FRMPD3: variants seen among roughly 807,000 people sequenced by gnomAD.
FRMPD3 encodes the protein FERM and PDZ domain containing 3.
FRMPD3 carries 42 observed loss-of-function variants against 97.9 expected under a neutral mutation model. The observed-to-expected ratio is 0.43, with a 90% CI of 0.34 to 0.55. The LOEUF (loss-of-function observed/expected upper bound fraction) is 0.55, where lower values mean the gene tolerates loss of function less well. Ranked by LOEUF, FRMPD3 falls within the 20% of genes least tolerant of loss-of-function variation. The pLI, the probability that FRMPD3 is intolerant of heterozygous loss-of-function variation, is 0.03. For missense variants in FRMPD3, 1,303 were observed against 1,457.7 expected (o/e 0.89, Z 1.73); for synonymous variants, 577 against 581.1 (o/e 0.99, Z 0.10).
chrX:107,475,844 C>T (rs1921184643), intron 1 of FRMPD3, among the ~76,000 whole-genome samples: 1 of 112,377 alleles, frequency 8.9e-6, no homozygotes, highest in Non-Finnish European at 1.9e-5. Context: ...TTCTGAGCCT[C>T]AATTTCCTCA....
rs770197596 is a variant in FRMPD3, at chrX:107,602,969, C to T, written c.4930C>T (p.Arg1644Cys). The T allele has an allele frequency of 1.5e-5, 18 of 1,209,945 alleles. No individual in the cohort carries two copies. The highest frequency in any genetic ancestry group is 2.2e-5 in the Admixed American group (1 of 45,947). The change falls in exon 15 of 15, where the codon CGT (arginine) becomes TGT (cysteine). Residue 1644 changes from arginine (R) to cysteine (C), a missense_variant. Transcript: ENST00000683843. ...KFKELRASCR[R>C]VANVDKSPTH... ...CAAGGAGCTCCGGGCCTCCTGCCGC[C>T]GTGTGGCCAATGTGGACAAGAGCCC...
intron 1 of FRMPD3, among the ~76,000 whole-genome samples, chrX:107,452,448 G>A (rs761247982): frequency 8.0e-5 from 9 of 112,238 alleles, no homozygotes; most frequent in Non-Finnish European, 1.1e-4. Context: ...CACCACAACC[G>A]CCTTGCAGTT....
chrX:107,541,294 G>A (rs1921288216), intron 4 of FRMPD3, among the ~76,000 whole-genome samples: 1 of 112,550 alleles, frequency 8.9e-6, no homozygotes, highest in Admixed American at 9.4e-5. Flanking sequence ...AGGCCTCTGA[G>A]AGGCTCCTCA....
intron 13 of FRMPD3, among the ~76,000 whole-genome samples, chrX:107,595,253 G>T (rs1398163622): frequency 9.1e-6 from 1 of 109,880 alleles, no homozygotes. Flanking sequence ...GGAGGTGAAG[G>T]TTGCAGTGAG....
intron 4 of FRMPD3, among the ~76,000 whole-genome samples, chrX:107,535,260 T>C (rs1923171859): frequency 8.9e-6 from 1 of 112,444 alleles, no homozygotes; most frequent in Admixed American, 9.4e-5. Flanking sequence ...GCTGAAATAT[T>C]ATATTTTTTA....
intron 13 of FRMPD3, among the ~76,000 whole-genome samples, chrX:107,591,008 A>G (rs1212942320): frequency 3.6e-5 from 4 of 111,341 alleles, no homozygotes; most frequent in Admixed American, 9.6e-5. Context: ...CCACTAGTGA[A>G]GTCACCTGGG....
chrX:107,554,143 C>G (rs1418054709), intron 7 of FRMPD3, among the ~76,000 whole-genome samples: 1 of 111,305 alleles, frequency 9.0e-6, no homozygotes, highest in Non-Finnish European at 1.9e-5. Flanking sequence ...TGATAAAGGT[C>G]ATGTCCTAGA....
At chrX:107,556,453 C>T (rs920246878) in intron 8 of FRMPD3, among the ~76,000 whole-genome samples, 14 of 111,534 alleles carry the variant, frequency 1.3e-4, no homozygotes, top group African/African-American at 4.2e-4. Context: ...TTCTTTTTTA[C>T]ATGTAACAGC....
At chrX:107,487,919 C>T (rs1443166806) in intron 1 of FRMPD3, among the ~76,000 whole-genome samples, 1 of 112,042 alleles carries the variant, frequency 8.9e-6, no homozygotes, top group Admixed American at 9.4e-5. Context: ...AAGGATTTTC[C>T]TCGCAGCAGC....
intron 1 of FRMPD3, among the ~76,000 whole-genome samples, chrX:107,504,968 G>A (rs753997578): frequency 8.9e-6 from 1 of 112,329 alleles, no homozygotes; most frequent in Non-Finnish European, 1.9e-5. Flanking sequence ...TCACTAACTC[G>A]TGTGTCATGG....
At chrX:107,567,866 A>G (rs1922677744) in intron 12 of FRMPD3, among the ~76,000 whole-genome samples, 1 of 111,111 alleles carries the variant, frequency 9.0e-6, no homozygotes, top group African/African-American at 3.3e-5. Context: ...GGATCATGGC[A>G]CTAGTCCAGG....
intron 4 of FRMPD3, among the ~76,000 whole-genome samples, chrX:107,543,845 T>A (rs1274894438): frequency 1.8e-4 from 19 of 106,204 alleles, no homozygotes; most frequent in East Asian, 2.9e-4. Context: ...ATTAAAAATA[T>A]AACCCGCACA....
chrX:107,546,220 C>T (rs147870512), intron 5 of FRMPD3, among the ~76,000 whole-genome samples: 1,419 of 111,764 alleles, frequency 0.013, 11 homozygotes, highest in Non-Finnish European at 0.017. Flanking sequence ...ATTGAGCTCT[C>T]TTCACATTTA....
At chrX:107,501,386 G>T (rs1237951424) in intron 1 of FRMPD3, among the ~76,000 whole-genome samples, 3 of 77,161 alleles carry the variant, frequency 3.9e-5, no homozygotes, top group African/African-American at 1.7e-4. Flanking sequence ...TTTTGAGACG[G>T]AGTCTCGCTC....
At chrX:107,464,343 A>C (rs1485442980) in intron 1 of FRMPD3, among the ~76,000 whole-genome samples, 1 of 108,524 alleles carries the variant, frequency 9.2e-6, no homozygotes, top group African/African-American at 3.4e-5. Flanking sequence ...ATTTTATTTC[A>C]TTTATTTATT....
At chrX:107,578,959 C>T (rs1310712253) in intron 13 of FRMPD3, among the ~76,000 whole-genome samples, 3 of 111,657 alleles carry the variant, frequency 2.7e-5, no homozygotes, top group Non-Finnish European at 5.6e-5. Flanking sequence ...GCTCAGGTTA[C>T]AGTGAAGGGA....
At chrX:107,525,171 A>T (rs1028526371) in intron 1 of FRMPD3, among the ~76,000 whole-genome samples, 12 of 111,536 alleles carry the variant, frequency 1.1e-4, no homozygotes, top group African/African-American at 3.9e-4. Flanking sequence ...CTGAGGCTAG[A>T]AAACTTAAAC....
At chrX:107,502,255 G>A (rs1223244348) in intron 1 of FRMPD3, among the ~76,000 whole-genome samples, 1 of 110,450 alleles carries the variant, frequency 9.1e-6, no homozygotes, top group African/African-American at 3.3e-5. Flanking sequence ...AAGTGAGGGG[G>A]ATTTTCAGTG....
chrX:107,471,357 C>A (rs1190837650), intron 1 of FRMPD3, among the ~76,000 whole-genome samples: 1 of 59,211 alleles, frequency 1.7e-5, no homozygotes, highest in Non-Finnish European at 3.0e-5. Flanking sequence ...AAAAAAAAAA[C>A]GGGATACATG....
Sources: allele counts gnomAD v4.1 joint callset (sites outside exome capture counted in the v4.1 genomes callset), GRCh38; gene constraint gnomAD v4.1.1; transcripts MANE v1.5; gene names NCBI Gene and HGNC (gene_info 2026-07-23, HGNC 2026-07-21).